Variants in SLC67A2 observed in about 807,000 individuals in gnomAD.
SLC67A2 encodes the protein solute carrier family 67 member A2.
the SLC67A2 span, chr2:102,736,452 A>T: frequency 7.1e-7 from 1 of 1,417,228 alleles, no homozygotes; most frequent in South Asian, 1.5e-5. Flanking sequence ...GCGAGGGGCA[A>T]TAAAGCAGTG....
At chr2:102,718,290 C>A in the SLC67A2 span, 17 of 1,129,252 alleles carry the variant, frequency 1.5e-5, no homozygotes, top group Non-Finnish European at 2.0e-5. Flanking sequence ...ACCTGGAAGC[C>A]CAACAGCTCA....
At chr2:102,719,267 T>G in the SLC67A2 span, 2 of 1,513,074 alleles carry the variant, frequency 1.3e-6, no homozygotes, top group Non-Finnish European at 1.8e-6. Flanking sequence ...ATACACTACC[T>G]CCTTGGGGAA....
the SLC67A2 span, chr2:102,736,793 G>T: frequency 6.0e-5 from 97 of 1,612,490 alleles, no homozygotes; most frequent in Non-Finnish European, 8.0e-5. Context: ...TCATGTCCCA[G>T]TGACCCCCAA....
the SLC67A2 span, chr2:102,732,125 T>C: frequency 4.2e-5 from 29 of 687,884 alleles, no homozygotes; most frequent in Admixed American, 5.9e-4. Context: ...AAAATCTCTT[T>C]GAACATACGT....
At chr2:102,717,200 T>A in the SLC67A2 span, 1 of 151,958 alleles carries the variant, frequency 6.6e-6, no homozygotes, top group Non-Finnish European at 1.5e-5. Flanking sequence ...CGGCTAATTT[T>A]TTTTTTGTAT....
the SLC67A2 span, chr2:102,718,424 T>C: frequency 6.2e-7 from 1 of 1,613,732 alleles, no homozygotes; most frequent in Non-Finnish European, 8.5e-7. Flanking sequence ...ATCCATCTAC[T>C]CACTTTTTAA....
chr2:102,723,784 C>T, the SLC67A2 span: 17 of 1,614,174 alleles, frequency 1.1e-5, no homozygotes, highest in East Asian at 4.5e-5. Flanking sequence ...CCACCGACCA[C>T]GGGGCCCAAG....
the SLC67A2 span, among the ~76,000 whole-genome samples, chr2:102,729,586 T>A: frequency 6.6e-6 from 1 of 152,240 alleles, no homozygotes; most frequent in Admixed American, 6.5e-5. Context: ...TGCTCTCCTG[T>A]ACAATCTGAT....
the SLC67A2 span, chr2:102,718,845 C>A: frequency 1.2e-6 from 2 of 1,613,976 alleles, no homozygotes. Context: ...AGGCCGGCCA[C>A]GGCCCCCAGC....
At chr2:102,718,193 G>T in the SLC67A2 span, 2 of 550,422 alleles carry the variant, frequency 3.6e-6, no homozygotes, top group South Asian at 4.5e-5. Flanking sequence ...TGCTCACCTT[G>T]GAAAAGCTTT....
At chr2:102,730,079 G>C in the SLC67A2 span, among the ~76,000 whole-genome samples, 4 of 152,286 alleles carry the variant, frequency 2.6e-5, no homozygotes. Flanking sequence ...TGGACGCTGA[G>C]GTCTCCAGAC....
At chr2:102,724,825 A>G in the SLC67A2 span, among the ~76,000 whole-genome samples, 3 of 152,188 alleles carry the variant, frequency 2.0e-5, no homozygotes. Flanking sequence ...CTCTGCCTCA[A>G]AAGTAGTGTG....
At chr2:102,732,186 T>C in the SLC67A2 span, 1 of 799,946 alleles carries the variant, frequency 1.3e-6, no homozygotes, top group Non-Finnish European at 2.2e-6. Context: ...TTTTAAAATA[T>C]TCTGGAAATT....
At chr2:102,726,633 C>T in the SLC67A2 span, among the ~76,000 whole-genome samples, 3 of 152,086 alleles carry the variant, frequency 2.0e-5, no homozygotes, top group Non-Finnish European at 2.9e-5. Flanking sequence ...CGCACACACA[C>T]ACACACAGGC....
chr2:102,717,186 C>A, the SLC67A2 span: 1 of 146,836 alleles, frequency 6.8e-6, no homozygotes, highest in Non-Finnish European at 1.5e-5. Context: ...CCCGCCATCA[C>A]GCCCGGCTAA....
chr2:102,724,453 G>A, the SLC67A2 span, among the ~76,000 whole-genome samples: 1 of 152,114 alleles, frequency 6.6e-6, no homozygotes, highest in Non-Finnish European at 1.5e-5. Flanking sequence ...ACCAGTAAGA[G>A]GCCTGTGAAT....
the SLC67A2 span, among the ~76,000 whole-genome samples, chr2:102,715,207 G>C: frequency 6.6e-6 from 1 of 152,124 alleles, no homozygotes; most frequent in Non-Finnish European, 1.5e-5. Context: ...TCTAAAACAG[G>C]AGTGTCTTCA....
At chr2:102,736,421 G>T in the SLC67A2 span, 1 of 1,250,784 alleles carries the variant, frequency 8.0e-7, no homozygotes, top group Non-Finnish European at 1.1e-6. Flanking sequence ...GACGTTCCGC[G>T]AACGGGGTGC....
chr2:102,715,445 T>A, the SLC67A2 span, among the ~76,000 whole-genome samples: 1 of 152,104 alleles, frequency 6.6e-6, no homozygotes, highest in Non-Finnish European at 1.5e-5. Flanking sequence ...CAGGTGCAAC[T>A]CTTGCAGAAT....
Sources: gnomAD v4.1 joint callset for allele counts (sites outside exome capture counted in the v4.1 genomes callset) on GRCh38, gnomAD v4.1.1 for gene constraint, MANE v1.5 for transcripts, NCBI Gene and HGNC (gene_info 2026-07-23, HGNC 2026-07-21) for gene names.